Variants in CETP observed in about 807,000 individuals in gnomAD.
CETP encodes cholesteryl ester transfer protein.
A neutral mutation model predicts 66.5 loss-of-function variants in CETP; 56 were observed. That is an observed-to-expected ratio of 0.84 (90% confidence interval 0.68 to 1.05). CETP has a LOEUF of 1.05. Among genes scored for constraint, CETP ranks in the 50% least tolerant of loss-of-function variants. The pLI, the probability that CETP is intolerant of heterozygous loss-of-function variation, is 0.00. For missense variants in CETP, 612 were observed against 609.6 expected, an observed-to-expected ratio of 1.00 and a Z score of -0.04; for synonymous variants, 251 against 245.7, an observed-to-expected ratio of 1.02 and a Z score of -0.20.
chr16:56,962,997 C>A lies in CETP; in HGVS notation c.119-13C>A, dbSNP rs772909141. On this transcript the variant is annotated splice_polypyrimidine_tract_variant and intron_variant, in intron 1 of 15. Coordinates refer to ENST00000200676, the MANE Select transcript of CETP (RefSeq NM_000078.3). Reference sequence around the variant, plus strand: ...TGGGCCTGCAGCCCCTCATCCACTGCCCTCCCCTCTAGTGAACCACGAGAC... The same window carrying A: ...TGGGCCTGCAGCCCCTCATCCACTGACCTCCCCTCTAGTGAACCACGAGAC... 8 of 1,611,606 alleles carry A rather than the reference C, an allele frequency of 5.0e-6. No homozygotes were observed. In the South Asian group the frequency reaches 6.6e-5, roughly 13 times the overall value.
chr16:56,973,807 G>A (rs145875326), intron 9 of CETP, among the ~76,000 whole-genome samples: 11 of 152,298 alleles, frequency 7.2e-5, no homozygotes, highest in African/African-American at 1.4e-4. Context: ...TCTCAAGAGC[G>A]GAGCTCTCCG....
intron 9 of CETP, among the ~76,000 whole-genome samples, chr16:56,974,678 G>T (rs905672791): frequency 6.6e-6 from 1 of 152,184 alleles, no homozygotes; most frequent in African/African-American, 2.4e-5. Flanking sequence ...CCTCTGTTTT[G>T]CAAACAAAAA....
At chr16:56,977,395 G>T (rs560248101) in intron 10 of CETP, among the ~76,000 whole-genome samples, 3 of 152,216 alleles carry the variant, frequency 2.0e-5, no homozygotes, top group African/African-American at 7.2e-5. Context: ...TCTTGGCCAT[G>T]TTCCTTCCAC....
At chr16:56,975,060 C>G (rs186097921) in intron 9 of CETP, 41 bp from the exon 10 acceptor site, 3 of 1,599,136 alleles carry the variant, frequency 1.9e-6, no homozygotes, top group Non-Finnish European at 2.6e-6. Flanking sequence ...GAGGAGTGGA[C>G]TTTACTCCAC....
chr16:56,982,336 T>C, intron 14 of CETP, 99 bp downstream of exon 14: 1 of 1,143,422 alleles, frequency 8.7e-7, no homozygotes, highest in Admixed American at 1.7e-5. Flanking sequence ...GTGCCCCTCT[T>C]CCCAGTCATT....
At chr16:56,971,482 G>C in intron 7 of CETP, 101 bp downstream of exon 7, 2 of 1,025,466 alleles carry the variant, frequency 2.0e-6, no homozygotes, top group Non-Finnish European at 3.1e-6. Context: ...TTCCTGTCTA[G>C]GTCCCATGGG....
At chr16:56,981,524 G>A (rs1325890530) in intron 12 of CETP, 123 bp from the exon 13 acceptor site, 1 of 1,172,798 alleles carries the variant, frequency 8.5e-7, no homozygotes, top group Non-Finnish European at 1.3e-6. Context: ...TCAAGAGAGT[G>A]CCCCAAAGGG....
rs766761985 is a variant in CETP at position 56,983,307 on chromosome 16, G to T, written c.1322-19G>T. The T allele has an allele frequency of 8.7e-6, 14 of 1,612,854 alleles. No homozygotes were observed. Among genetic ancestry groups the T allele is most frequent in the Non-Finnish European group, 1.2e-5 (14 of 1,178,990 alleles). On this transcript the variant is annotated intron_variant, in intron 14 of 15. Coordinates refer to ENST00000200676, the MANE Select transcript of CETP (RefSeq NM_000078.3). ...TGCTCCCCAAGAAGGGCTGACTGGG[G>T]CTCTGTCCCCTGCCCCAGGGCTCGA...
intron 2 of CETP, among the ~76,000 whole-genome samples, chr16:56,969,157 C>A (rs1235445419): frequency 5.9e-5 from 9 of 151,978 alleles, no homozygotes; most frequent in Admixed American, 3.3e-4. Context: ...ATCTCCCCAC[C>A]TACCCCAAGG....
At position 56,961,954 on chromosome 16, in the gene CETP, C is replaced by T. The variant is rs2056025522; in HGVS notation, c.-26C>T. On this transcript the variant is annotated 5_prime_UTR_variant, in exon 1 of 16. Transcript: ENST00000200676. ...GGGCTCCAGGCTGAACGGCTCGGGC[C>T]ACTTACACACCACTGCCTGATAACC... 6.3e-7 allele frequency: 1 copy of T among 1,582,852 alleles called. No homozygotes were observed. The highest frequency in any genetic ancestry group is 8.7e-7 in the Non-Finnish European group (1 of 1,151,952).
At chr16:56,980,989 C>T (rs1045977471) in intron 11 of CETP, among the ~76,000 whole-genome samples, 169 bp from the exon 12 acceptor site, 2 of 152,184 alleles carry the variant, frequency 1.3e-5, no homozygotes, top group Non-Finnish European at 2.9e-5. Context: ...GCCACAGGTG[C>T]TGGGGAACTT....
intron 5 of CETP, among the ~76,000 whole-genome samples, chr16:56,970,493 G>T (rs931820816): frequency 6.6e-6 from 1 of 152,222 alleles, no homozygotes; most frequent in Non-Finnish European, 1.5e-5. Context: ...AGTAGGATTT[G>T]AACCCAGCAT....
chr16:56,980,351 T>C (rs1301033912), intron 11 of CETP, among the ~76,000 whole-genome samples: 1 of 152,220 alleles, frequency 6.6e-6, no homozygotes, highest in Non-Finnish European at 1.5e-5. Flanking sequence ...ACGTATTTTT[T>C]TGTAGAGACA....
chr16:56,982,607 T>C (rs12596364), intron 14 of CETP, among the ~76,000 whole-genome samples: 5,150 of 152,304 alleles, frequency 0.034, 204 homozygotes, highest in East Asian at 0.13. Flanking sequence ...GAAACAAGAA[T>C]GTTGAACTTG....
At chr16:56,973,027 T>A (rs182480194) in intron 8 of CETP, among the ~76,000 whole-genome samples, 1,645 of 152,174 alleles carry the variant, frequency 0.011, 13 homozygotes, top group African/African-American at 0.02. Context: ...TGGGGCGGGG[T>A]GGGAGCTGGA....
intron 10 of CETP, 126 bp from the exon 11 acceptor site, chr16:56,977,965 C>G: frequency 8.9e-7 from 1 of 1,120,132 alleles, no homozygotes; most frequent in Admixed American, 2.3e-5. Context: ...GGCACTACCC[C>G]GAGCTACTTC....
chr16:56,980,495 T>G lies in CETP; in HGVS notation c.1147-663T>G, dbSNP rs12708982. On this transcript the variant is annotated intron_variant, in intron 11 of 15. Coordinates refer to ENST00000200676, the MANE Select transcript of CETP (RefSeq NM_000078.3). ...TTTATTTAGCCTTTTAAATATCTCT[T>G]TAATTTTTGTATTACTTTCCTTTTC... Among the ~76,000 whole-genome samples, 425 of 152,382 alleles carry G rather than the reference T, an allele frequency of 2.8e-3. 1 individual carries two copies. The highest frequency in any genetic ancestry group is 1.0e-2 in the African/African-American group (414 of 41,596).
In CETP at chr16:56,978,731, C is replaced by G. The variant is rs537703649; in HGVS notation, c.1146+476C>G. 2.0e-5 allele frequency among the ~76,000 whole-genome samples: 3 copies of G among 152,336 alleles called. No homozygotes were observed. In the South Asian group the frequency reaches 6.2e-4, roughly 32 times the overall value. On this transcript the variant is annotated intron_variant, in intron 11 of 15. Coordinates refer to ENST00000200676, the MANE Select transcript of CETP (RefSeq NM_000078.3). ...AAACTCCTGGCCTCAAGCAATTCTC[C>G]TGCCTTGGCCTCCTAAGTTGCTGGG... is the stretch of plus-strand genomic sequence containing the variant.
intron 2 of CETP, among the ~76,000 whole-genome samples, chr16:56,963,985 CTTTAT>C (rs1366538538): frequency 1.4e-5 from 2 of 143,094 alleles, no homozygotes; most frequent in South Asian, 2.2e-4. Flanking sequence ...CTATCTTAAT[CTTTAT>C]TTTATTTATT....
Sources: gnomAD v4.1 joint callset for allele counts (sites outside exome capture counted in the v4.1 genomes callset) on GRCh38, gnomAD v4.1.1 for gene constraint, MANE v1.5 for transcripts, NCBI Gene and HGNC (gene_info 2026-07-23, HGNC 2026-07-21) for gene names.